Variants in RGS6 observed in about 807,000 individuals in gnomAD.
RGS6 encodes the protein regulator of G-protein signaling 6.
A neutral mutation model predicts 78.5 loss-of-function variants in RGS6; 30 were observed. The observed-to-expected ratio is 0.38, with a 90% CI of 0.29 to 0.52. RGS6 has a LOEUF of 0.52. Ranked by LOEUF, RGS6 falls within the 20% of genes least tolerant of loss-of-function variation. RGS6 has a pLI of 0.85. For missense variants in RGS6, 495 were observed against 609.7 expected, an observed-to-expected ratio of 0.81 and a Z score of 1.98; for synonymous variants, 206 against 206.0, an observed-to-expected ratio of 1.00 and a Z score of 0.00.
chr14:71,950,323 A>G (rs1434380817), intron 1 of RGS6, among the ~76,000 whole-genome samples: 1 of 152,194 alleles, frequency 6.6e-6, no homozygotes, highest in Non-Finnish European at 1.5e-5. Flanking sequence ...AAAACAAGCA[A>G]TGGGGAAAGG....
chr14:72,340,273 C>A (rs2076749625), intron 2 of RGS6, among the ~76,000 whole-genome samples: 3 of 152,146 alleles, frequency 2.0e-5, no homozygotes, highest in Admixed American at 1.3e-4. Flanking sequence ...TCTGGGACAT[C>A]AAACATGAAC....
chr14:72,271,734 A>G (rs556684001), intron 2 of RGS6, among the ~76,000 whole-genome samples: 6 of 152,338 alleles, frequency 3.9e-5, no homozygotes, highest in South Asian at 2.1e-4. Context: ...TTCTGAAGTC[A>G]GAAATCTGAA....
At chr14:72,216,701 A>G (rs1006911523) in intron 2 of RGS6, among the ~76,000 whole-genome samples, 1 of 152,210 alleles carries the variant, frequency 6.6e-6, no homozygotes, top group African/African-American at 2.4e-5. Context: ...ATGAACCTGT[A>G]GAAATAAAAT....
chr14:72,074,346 C>T (rs763291509), intron 2 of RGS6, among the ~76,000 whole-genome samples: 2 of 152,088 alleles, frequency 1.3e-5, no homozygotes, highest in Non-Finnish European at 2.9e-5. Context: ...TAGGTGCTTG[C>T]CACCATACCT....
chr14:72,546,688 G>C (rs897488254), intron 17 of RGS6, among the ~76,000 whole-genome samples: 4 of 152,174 alleles, frequency 2.6e-5, no homozygotes, highest in African/African-American at 9.7e-5. Flanking sequence ...CCCCGCCCAG[G>C]CCCTCTCCTG....
chr14:72,030,629 C>A (rs1203926193), intron 2 of RGS6, among the ~76,000 whole-genome samples: 1 of 148,798 alleles, frequency 6.7e-6, no homozygotes, highest in Non-Finnish European at 1.5e-5. Flanking sequence ...CCTGGAGAGG[C>A]CTTTCAGCCA....
chr14:72,306,188 A>G (rs847359), intron 2 of RGS6, among the ~76,000 whole-genome samples: 99,594 of 152,004 alleles, frequency 0.66, 34,749 homozygotes, highest in African/African-American at 0.91. Context: ...ATCTGTTTAC[A>G]GAAGGATTTA....
chr14:72,281,350 T>C (rs4903006), intron 2 of RGS6, among the ~76,000 whole-genome samples: 87,426 of 151,600 alleles, frequency 0.58, 25,723 homozygotes, highest in Non-Finnish European at 0.64. Flanking sequence ...GGTTTCTCCA[T>C]GTTGGCCAGG....
In RGS6 at chr14:72,466,578, C is replaced by T. The variant is rs572365514; in HGVS notation, c.459+756C>T. Among the ~76,000 whole-genome samples the T allele has an allele frequency of 1.6e-4, 24 of 152,352 alleles. No homozygotes were observed. In the South Asian group the frequency reaches 4.3e-3, roughly 28 times the overall value. On this transcript the variant is annotated intron_variant, in intron 7 of 17. Coordinates refer to ENST00000553525, the MANE Select transcript of RGS6 (RefSeq NM_001204424.2). Reference sequence around the variant, plus strand: ...TAAAAAGGAATGAACTGTTGATACACACAACCACTTGAATGAGTACCAAGA... The same window carrying T: ...TAAAAAGGAATGAACTGTTGATACATACAACCACTTGAATGAGTACCAAGA...
chr14:72,284,469 G>T (rs1241674645), intron 2 of RGS6, among the ~76,000 whole-genome samples: 1 of 152,214 alleles, frequency 6.6e-6, no homozygotes, highest in Admixed American at 6.5e-5. Context: ...TTCAGAAGGT[G>T]CAAGCCCCAA....
chr14:72,590,653 G>A, the RGS6 span, among the ~76,000 whole-genome samples: 1 of 152,202 alleles, frequency 6.6e-6, no homozygotes, highest in African/African-American at 2.4e-5. Flanking sequence ...AGATTAAAAA[G>A]ATAAACGCTT....
At chr14:72,364,672 C>T (rs919403726) in intron 3 of RGS6, among the ~76,000 whole-genome samples, 9 of 152,190 alleles carry the variant, frequency 5.9e-5, no homozygotes, top group Admixed American at 5.9e-4. Context: ...GGTTAATCAG[C>T]AGTGTCTTTA....
intron 2 of RGS6, among the ~76,000 whole-genome samples, chr14:72,233,143 T>G (rs2050096552): frequency 6.6e-6 from 1 of 152,174 alleles, no homozygotes; most frequent in Non-Finnish European, 1.5e-5. Flanking sequence ...CCTAGTCAGG[T>G]CCTTCATCCT....
chr14:72,512,681 C>T (rs2096893128), intron 14 of RGS6, among the ~76,000 whole-genome samples: 6 of 152,220 alleles, frequency 3.9e-5, no homozygotes, highest in Admixed American at 3.9e-4. Context: ...TCTCTGGATG[C>T]CCAAATTCCA....
chr14:72,256,626 A>G (rs2057139583), intron 2 of RGS6, among the ~76,000 whole-genome samples: 1 of 152,096 alleles, frequency 6.6e-6, no homozygotes, highest in East Asian at 1.9e-4. Context: ...CTAAACAAGG[A>G]GGGGGTTAGT....
the RGS6 span, among the ~76,000 whole-genome samples, chr14:72,594,105 C>T: frequency 1.3e-5 from 2 of 152,180 alleles, no homozygotes; most frequent in Non-Finnish European, 2.9e-5. Flanking sequence ...GTCTTTTAAT[C>T]TTCATAATAG....
chr14:72,084,330 C>T (rs960959253), intron 2 of RGS6, among the ~76,000 whole-genome samples: 11 of 152,304 alleles, frequency 7.2e-5, no homozygotes, highest in East Asian at 1.9e-4. Flanking sequence ...ACTCACCCAC[C>T]GCCCACCTCC....
chr14:72,503,301 C>T (rs959518348), intron 13 of RGS6, among the ~76,000 whole-genome samples: 1 of 152,236 alleles, frequency 6.6e-6, no homozygotes, highest in African/African-American at 2.4e-5. Flanking sequence ...CCACAACATT[C>T]TACCTCAAGA....
intron 3 of RGS6, among the ~76,000 whole-genome samples, chr14:72,356,689 T>G (rs2080360880): frequency 6.6e-6 from 1 of 152,230 alleles, no homozygotes. Context: ...ACCTCTATGC[T>G]GTTCTCATGA....
Sources: allele counts gnomAD v4.1 joint callset (sites outside exome capture counted in the v4.1 genomes callset), GRCh38; gene constraint gnomAD v4.1.1; transcripts MANE v1.5; gene names NCBI Gene and HGNC (gene_info 2026-07-23, HGNC 2026-07-21).